Variants in DMXL1 observed in about 807,000 individuals in gnomAD.
The protein encoded by DMXL1 is Dmx like 1.
Under a neutral mutation model 319.2 loss-of-function variants are expected in DMXL1, and 99 were observed. That is an observed-to-expected ratio of 0.31 (90% CI 0.26 to 0.37). The LOEUF (loss-of-function observed/expected upper bound fraction) is 0.37. Among genes scored for constraint, DMXL1 ranks in the 10% least tolerant of loss-of-function variants. DMXL1 has a pLI of 1.00. For missense variants in DMXL1, 3,745 were observed against 3,595.6 expected (o/e 1.04, Z -1.06); for synonymous variants, 1,385 against 1,235.2 (o/e 1.12, Z -2.54).
At chr5:119,220,886 T>C (rs574570237) in intron 36 of DMXL1, 54 bp from the exon 37 acceptor site, 2 of 1,581,298 alleles carry the variant, frequency 1.3e-6, no homozygotes, top group Admixed American at 1.9e-5. Context: ...CTTTCAAGTG[T>C]AAAAAAGAAA....
chr5:119,136,818 T>C (rs934192001), intron 13 of DMXL1, among the ~76,000 whole-genome samples: 1 of 152,090 alleles, frequency 6.6e-6, no homozygotes, highest in Non-Finnish European at 1.5e-5. Context: ...TTTCAGAGGA[T>C]GTATGGAAAC....
At chr5:119,124,954 C>G (rs1017856803) in intron 9 of DMXL1, among the ~76,000 whole-genome samples, 3 of 152,136 alleles carry the variant, frequency 2.0e-5, no homozygotes, top group Non-Finnish European at 2.9e-5. Context: ...AACAGAGCTA[C>G]AAATTATAGA....
At chr5:119,145,509 C>T (rs865872053) in intron 15 of DMXL1, among the ~76,000 whole-genome samples, 15 of 151,494 alleles carry the variant, frequency 9.9e-5, no homozygotes, top group African/African-American at 3.1e-4. Flanking sequence ...AGATATCAGG[C>T]GTAAGAGATA....
At position 119,231,689 on chromosome 5, in the gene DMXL1, T is replaced by C. The variant is rs557626661; in HGVS notation, c.8339-1651T>C. ...CTGGGCAACACCAGACCAGAAGCCA[T>C]TAAGGCTTCACCGAGGTGGCATGAG... is the stretch of plus-strand genomic sequence containing the variant. On this transcript the variant is annotated intron_variant, in intron 38 of 43. Transcript: ENST00000539542. 6.6e-5 allele frequency among the ~76,000 whole-genome samples: 10 copies of C among 152,334 alleles called. No homozygotes were observed. In the East Asian group the frequency reaches 1.7e-3, roughly 26 times the overall value.
intron 13 of DMXL1, among the ~76,000 whole-genome samples, chr5:119,142,588 G>C (rs1023986809): frequency 2.0e-5 from 3 of 151,860 alleles, no homozygotes; most frequent in African/African-American, 7.2e-5. Context: ...AGTGTTGATG[G>C]GAGTGTAAAT....
At chr5:119,220,854 A>G (rs930065632) in intron 36 of DMXL1, 86 bp from the exon 37 acceptor site, 3 of 1,471,566 alleles carry the variant, frequency 2.0e-6, no homozygotes, top group Non-Finnish European at 2.8e-6. Flanking sequence ...TTTAAAGGGA[A>G]CTATAAATTC....
At chr5:119,198,069 G>T in intron 32 of DMXL1, 113 bp downstream of exon 32, 2 of 956,178 alleles carry the variant, frequency 2.1e-6, no homozygotes, top group South Asian at 3.0e-5. Flanking sequence ...GCTCACTGCA[G>T]CCTCTGCCTC....
chr5:119,138,127 G>C (rs543907537), intron 13 of DMXL1, among the ~76,000 whole-genome samples: 29 of 152,248 alleles, frequency 1.9e-4, no homozygotes, highest in African/African-American at 6.5e-4. Context: ...CAGTAGTCCA[G>C]GAGAGGGAAA....
intron 19 of DMXL1, 107 bp from the exon 20 acceptor site, chr5:119,164,400 C>T: frequency 2.0e-6 from 2 of 989,174 alleles, no homozygotes; most frequent in Non-Finnish European, 2.9e-6. Flanking sequence ...AACTGTGAGT[C>T]TCATAGAAGT....
At chr5:119,078,203 C>T (rs1751421450) in intron 1 of DMXL1, among the ~76,000 whole-genome samples, 1 of 152,116 alleles carries the variant, frequency 6.6e-6, no homozygotes, top group Non-Finnish European at 1.5e-5. Flanking sequence ...TAGTCTGGAA[C>T]TTCTGGCCTC....
intron 9 of DMXL1, among the ~76,000 whole-genome samples, chr5:119,124,563 C>CTTTT (rs34589863): frequency 5.8e-5 from 6 of 102,946 alleles, no homozygotes; most frequent in African/African-American, 7.0e-5. Flanking sequence ...ATGGTGATGA[C>CTTTT]TTTTTTTTTT....
At chr5:119,227,841 A>G (rs1476860675) in intron 38 of DMXL1, among the ~76,000 whole-genome samples, 3 of 152,172 alleles carry the variant, frequency 2.0e-5, no homozygotes, top group African/African-American at 4.8e-5. Context: ...ACTTATGCAA[A>G]TAACTATATT....
intron 33 of DMXL1, among the ~76,000 whole-genome samples, chr5:119,204,817 TGGA>T (rs942627962): frequency 9.2e-5 from 14 of 152,184 alleles, no homozygotes; most frequent in Admixed American, 9.2e-4. Context: ...TTTTTGAAGT[TGGA>T]GGAAACACTG....
intron 24 of DMXL1, 33 bp from the exon 25 acceptor site, chr5:119,171,745 T>A: frequency 6.5e-7 from 1 of 1,543,674 alleles, no homozygotes. Flanking sequence ...CTGTAAATAG[T>A]TGGTTAACCT....
rs144086730 is a variant in DMXL1, at chr5:119,098,831, C to T, written c.213+727C>T. 1.4e-4 allele frequency among the ~76,000 whole-genome samples: 21 copies of T among 152,210 alleles called. No homozygotes were observed. In the East Asian group the frequency reaches 3.7e-3, roughly 27 times the overall value. ...GTTGTAGCTAGACTGGACTGAACTT[C>T]GCAAATACACTCATATGATTCCACT... On this transcript the variant is annotated intron_variant, in intron 2 of 43. Transcript: ENST00000539542.
At position 119,073,297 on chromosome 5, in the gene DMXL1, A is replaced by G. The variant is rs562522649; in HGVS notation, c.87+1641A>G. 1.5e-3 allele frequency among the ~76,000 whole-genome samples: 234 copies of G among 152,294 alleles called. No homozygotes were observed. The Middle Eastern group carries it at 0.02, about 13-fold the overall frequency. On this transcript the variant is annotated intron_variant, in intron 1 of 43. Transcript: ENST00000539542. ...GGCTGGTCTTGACTTCCTGGGCTCA[A>G]GTGATCCTCCCACTTCAGCCTCCCA... is the stretch of plus-strand genomic sequence containing the variant.
At chr5:119,095,827 A>G (rs909805031) in intron 1 of DMXL1, among the ~76,000 whole-genome samples, 3 of 152,172 alleles carry the variant, frequency 2.0e-5, no homozygotes, top group African/African-American at 7.2e-5. Flanking sequence ...AGGAGAGGAG[A>G]TCATCATGTG....
rs781405914 is a variant in DMXL1 at position 119,177,501 on chromosome 5, T to C, written c.6886+17T>C. On this transcript the variant is annotated intron_variant, in intron 27 of 43. Transcript: ENST00000539542. ...AATGGCCAGGTATAATTTTTATGTATAGATCAGTTTTTTCTTAGTCTTATT... is the reference window on the plus strand; with the variant it reads ...AATGGCCAGGTATAATTTTTATGTACAGATCAGTTTTTTCTTAGTCTTATT... The C allele has an allele frequency of 6.3e-7, 1 of 1,575,876 alleles. No individual in the cohort carries two copies. Among genetic ancestry groups the C allele is most frequent in the Non-Finnish European group, 8.6e-7 (1 of 1,165,018 alleles).
At position 119,178,654 on chromosome 5, in the gene DMXL1, AG is replaced by A. The variant is rs1177104855; in HGVS notation, c.7135+411del. ...GTGTGGGCTTTTCCAAAGCTCTTTC[AG>A]CCATCAGTTCTCATAGCCCTCCCAG... On this transcript the variant is annotated intron_variant, in intron 28 of 43. Transcript: ENST00000539542. 13 of 985,370 alleles carry A rather than the reference AG, an allele frequency of 1.3e-5. No individual in the cohort carries two copies. In the African/African-American group the frequency reaches 2.3e-4, roughly 17 times the overall value. 61.0% of individuals were successfully genotyped at this position (985,370 alleles called of 1,614,324 possible).
Sources: allele counts gnomAD v4.1 joint callset (sites outside exome capture counted in the v4.1 genomes callset), GRCh38; gene constraint gnomAD v4.1.1; transcripts MANE v1.5; gene names NCBI Gene and HGNC (gene_info 2026-07-23, HGNC 2026-07-21).